The following DOCK4 variants were observed in gnomAD, a reference collection of about 807,000 sequenced individuals.
DOCK4 encodes the protein dedicator of cytokinesis protein 4.
A neutral mutation model predicts 268.1 loss-of-function variants in DOCK4; 97 were observed. That is an observed-to-expected ratio of 0.36 (90% CI 0.31 to 0.43). The LOEUF is 0.43. DOCK4 is among the 20% of genes least tolerant of loss of function. The pLI is 1.00. For missense variants in DOCK4, 2,145 were observed against 2,455.7 expected, an observed-to-expected ratio of 0.87 and a Z score of 2.67; for synonymous variants, 954 against 887.2, an observed-to-expected ratio of 1.08 and a Z score of -1.34.
chr7:111,985,603 T>A (rs1798991495), intron 6 of DOCK4, among the ~76,000 whole-genome samples: 1 of 152,246 alleles, frequency 6.6e-6, no homozygotes, highest in Admixed American at 6.5e-5. Flanking sequence ...CTATTTGTTC[T>A]TAAGAAGATT....
chr7:111,808,765 T>A, intron 30 of DOCK4, 56 bp downstream of exon 30: 1 of 1,571,042 alleles, frequency 6.4e-7, no homozygotes, highest in Non-Finnish European at 8.7e-7. Flanking sequence ...ATTTGTACAC[T>A]TCAAGGTACA....
At position 111,834,693 on chromosome 7, in the gene DOCK4, TAA is replaced by T. The variant is rs3214145; in HGVS notation, c.2737-9_2737-8del. 19,197 of 1,297,632 alleles carry T rather than the reference TAA, an allele frequency of 0.015. No homozygotes were observed. The highest frequency in any genetic ancestry group is 0.022 in the South Asian group (1,472 of 67,006). 80.4% of individuals were successfully genotyped at this position (1,297,632 alleles called of 1,614,324 possible). On this transcript the variant is annotated splice_region_variant and splice_polypyrimidine_tract_variant and intron_variant, in intron 25 of 52. Transcript: ENST00000428084. ...GACAAGCAACAAACTCCCCCTAAGT[TAA>T]AAAAAAAAAAAGCATACATTTTATT... is the stretch of plus-strand genomic sequence containing the variant.
At chr7:112,069,145 A>G (rs868284905) in intron 1 of DOCK4, among the ~76,000 whole-genome samples, 2 of 152,306 alleles carry the variant, frequency 1.3e-5, no homozygotes, top group Middle Eastern at 3.4e-3. Flanking sequence ...ACTGCCAGAC[A>G]GTGATGGCTT....
chr7:111,825,872 T>C lies in DOCK4; in HGVS notation c.2836-3416A>G, dbSNP rs143633138. On this transcript the variant is annotated intron_variant, in intron 26 of 52. Coordinates refer to ENST00000428084, the MANE Select transcript of DOCK4 (RefSeq NM_001363540.2). ...CAATAAAAAGTCCCATAATTAAATA[T>C]AAAACAAAGTAGGAACAGTTGTTAT... Among the ~76,000 whole-genome samples, 314 of 152,320 alleles carry C rather than the reference T, an allele frequency of 2.1e-3. 2 individuals are homozygous for C. The highest frequency in any genetic ancestry group is 7.2e-3 in the African/African-American group (301 of 41,580).
chr7:112,035,997 T>C (rs192850014), intron 1 of DOCK4, among the ~76,000 whole-genome samples: 29 of 152,198 alleles, frequency 1.9e-4, no homozygotes, highest in Non-Finnish European at 7.4e-5. Flanking sequence ...AAAAGGAAGT[T>C]ATCTACTAGA....
chr7:112,052,194 T>C (rs1805419999), intron 1 of DOCK4, among the ~76,000 whole-genome samples: 1 of 152,180 alleles, frequency 6.6e-6, no homozygotes, highest in Admixed American at 6.6e-5. Flanking sequence ...TGTTCAGTAC[T>C]GATGCAATTT....
intron 1 of DOCK4, among the ~76,000 whole-genome samples, chr7:112,050,516 C>T (rs568789312): frequency 1.3e-5 from 2 of 152,198 alleles, no homozygotes; most frequent in South Asian, 4.2e-4. Context: ...ATTAGTCTTC[C>T]ACATTGGTAA....
intron 1 of DOCK4, among the ~76,000 whole-genome samples, chr7:112,062,239 T>C (rs1806484683): frequency 6.6e-6 from 1 of 152,172 alleles, no homozygotes; most frequent in African/African-American, 2.4e-5. Flanking sequence ...CCAACCTCAA[T>C]ATTTTTAAAA....
At chr7:111,984,647 C>A (rs1798908829) in intron 6 of DOCK4, among the ~76,000 whole-genome samples, 1 of 152,172 alleles carries the variant, frequency 6.6e-6, no homozygotes. Context: ...AGTGCTCCTG[C>A]CACTGGGGGC....
At chr7:112,011,388 GCC>G (rs1429628129) in intron 1 of DOCK4, among the ~76,000 whole-genome samples, 2 of 152,112 alleles carry the variant, frequency 1.3e-5, no homozygotes, top group Non-Finnish European at 2.9e-5. Flanking sequence ...TTTACTTCTG[GCC>G]CAATTTGTTT....
chr7:111,877,206 A>C lies in DOCK4; in HGVS notation c.1588-20T>G. On this transcript the variant is annotated intron_variant, in intron 16 of 52. Coordinates refer to ENST00000428084, the MANE Select transcript of DOCK4 (RefSeq NM_001363540.2). ...TTCACACTGTTAAAAATATTTAAAA[A>C]AACATAAGGGAAGGGGAAGAGATCT... 1 of 1,421,356 alleles carries C rather than the reference A, an allele frequency of 7.0e-7. No homozygotes were observed. Among genetic ancestry groups the C allele is most frequent in the Non-Finnish European group, 9.3e-7 (1 of 1,078,568 alleles). The allele number at this position is 1,421,356 out of a possible 1,614,324, so 88.0% of individuals were successfully genotyped here.
intron 27 of DOCK4, among the ~76,000 whole-genome samples, chr7:111,813,142 G>A (rs1417177044): frequency 3.9e-5 from 6 of 152,058 alleles, no homozygotes; most frequent in Non-Finnish European, 5.9e-5. Context: ...ATAAATTGTC[G>A]ATATTTAAAA....
chr7:111,900,521 C>CTTT lies in DOCK4; in HGVS notation c.1332_1333insAAA (p.Phe444_Gly445insLys). 6.2e-7 allele frequency: 1 copy of CTTT among 1,610,686 alleles called. No homozygotes were observed. Among genetic ancestry groups the CTTT allele is most frequent in the Non-Finnish European group, 8.5e-7 (1 of 1,178,594 alleles). ...TCACTGGCTGGTGGCTCCCCAGAGC[C>CTTT]GAAGGAGATAAAATCCTAACAAAGG... is the stretch of plus-strand genomic sequence containing the variant. On this transcript the variant is annotated inframe_insertion, in exon 15 of 53. Transcript: ENST00000428084.
At chr7:111,819,158 G>T (rs1276280478) in intron 27 of DOCK4, among the ~76,000 whole-genome samples, 1 of 152,144 alleles carries the variant, frequency 6.6e-6, no homozygotes, top group East Asian at 1.9e-4. Flanking sequence ...CCAAAATAAA[G>T]ACCTGAAATT....
At chr7:111,822,323 T>A in intron 27 of DOCK4, 39 bp downstream of exon 27, 1 of 1,534,688 alleles carries the variant, frequency 6.5e-7, no homozygotes, top group African/African-American at 1.4e-5. Flanking sequence ...TCTTCCTCTA[T>A]ACATTGAGCT....
chr7:111,983,407 T>G (rs1000716758), intron 7 of DOCK4, among the ~76,000 whole-genome samples: 1 of 152,136 alleles, frequency 6.6e-6, no homozygotes, highest in Non-Finnish European at 1.5e-5. Flanking sequence ...TCTTGGAACT[T>G]TATGGTAAGA....
At chr7:111,919,244 T>A in intron 12 of DOCK4, among the ~76,000 whole-genome samples, 1 of 150,226 alleles carries the variant, frequency 6.7e-6, no homozygotes, top group Non-Finnish European at 1.5e-5. Context: ...CTGAAGAAAA[T>A]TAAAGAAGAT....
chr7:111,992,913 CA>C lies in DOCK4; in HGVS notation c.315+1221del, dbSNP rs944059866. ...GATTTTGAATTCTTTCCAACATTTA[CA>C]AAAAAAAAAGAAAATTTAAAAAGGA... On this transcript the variant is annotated intron_variant, in intron 5 of 52. Coordinates refer to ENST00000428084, the MANE Select transcript of DOCK4 (RefSeq NM_001363540.2). Among the ~76,000 whole-genome samples the C allele has an allele frequency of 3.3e-4, 48 of 146,024 alleles. 1 individual carries two copies. Among genetic ancestry groups the C allele is most frequent in the Admixed American group, 1.1e-3 (16 of 14,656 alleles).
chr7:112,095,006 TA>T (rs2135780676), intron 1 of DOCK4, among the ~76,000 whole-genome samples: 1 of 152,306 alleles, frequency 6.6e-6, no homozygotes, highest in Non-Finnish European at 1.5e-5. Flanking sequence ...CCTTTCTTTA[TA>T]AATTACCCAG....
Sources: gnomAD v4.1 joint callset for allele counts (sites outside exome capture counted in the v4.1 genomes callset) on GRCh38, gnomAD v4.1.1 for gene constraint, MANE v1.5 for transcripts, NCBI Gene and HGNC (gene_info 2026-07-23, HGNC 2026-07-21) for gene names.